The following UGT8 variants were observed in gnomAD, a reference collection of about 807,000 sequenced individuals.
The protein encoded by UGT8 is 2-hydroxyacylsphingosine 1-beta-galactosyltransferase.
Under a neutral mutation model 40.5 loss-of-function variants are expected in UGT8, and 12 were observed. The observed-to-expected ratio is 0.30, with a 90% CI of 0.19 to 0.48. UGT8 has a LOEUF of 0.48. Ranked by LOEUF, UGT8 falls within the 20% of genes least tolerant of loss-of-function variation. The pLI, the probability that UGT8 is intolerant of heterozygous loss-of-function variation, is 0.99. For missense variants in UGT8, 513 were observed against 648.7 expected (o/e 0.79, Z 2.27); for synonymous variants, 224 against 240.4 (o/e 0.93, Z 0.63).
rs1267777151 is a variant in UGT8 at position 114,623,473 on chromosome 4, G to GA, written c.593_594insA (p.Val199CysfsTer18). On this transcript the variant is annotated frameshift_variant, in exon 2 of 6. Coordinates refer to ENST00000310836, the MANE Select transcript of UGT8 (RefSeq NM_001128174.3). LOFTEE classifies it high-confidence loss of function. ...TTGCTGCAAAGGATGAAAAATACCGGTGTTTACCTCATTTCCAGATTAGGG... is the reference window on the plus strand; with the variant it reads ...TTGCTGCAAAGGATGAAAAATACCGGATGTTTACCTCATTTCCAGATTAGGG... The GA allele has an allele frequency of 6.2e-7, 1 of 1,614,034 alleles. No homozygotes were observed. Among genetic ancestry groups the GA allele is most frequent in the African/African-American group, 1.3e-5 (1 of 74,900 alleles).
At chr4:114,653,939 G>A (rs1734028147) in intron 2 of UGT8, among the ~76,000 whole-genome samples, 1 of 152,012 alleles carries the variant, frequency 6.6e-6, no homozygotes, top group Non-Finnish European at 1.5e-5. Context: ...ACCAGCAAAA[G>A]TTTGTTAACT....
chr4:114,611,661 A>G (rs996842300), intron 1 of UGT8, among the ~76,000 whole-genome samples: 1 of 150,356 alleles, frequency 6.7e-6, no homozygotes, highest in Non-Finnish European at 1.5e-5. Flanking sequence ...TACCTGTATA[A>G]TCATAGATAC....
chr4:114,665,465 G>A (rs1168479581), intron 3 of UGT8: 5 of 984,896 alleles, frequency 5.1e-6, no homozygotes, highest in Non-Finnish European at 6.0e-6. Context: ...CTCTATGTAA[G>A]CAAATTATTT....
At chr4:114,622,590 C>G (rs1432315396) in intron 1 of UGT8, 1 of 290,134 alleles carries the variant, frequency 3.4e-6, no homozygotes, top group Non-Finnish European at 6.6e-6. Flanking sequence ...CACATCCTCT[C>G]CGGCACCTGT....
chr4:114,674,654 T>C (rs926602893), intron 5 of UGT8, among the ~76,000 whole-genome samples: 2 of 152,242 alleles, frequency 1.3e-5, no homozygotes, highest in Non-Finnish European at 2.9e-5. Context: ...CTTCATACTT[T>C]TTCCAAATGA....
At chr4:114,652,877 G>T (rs1158363904) in intron 2 of UGT8, among the ~76,000 whole-genome samples, 2 of 151,992 alleles carry the variant, frequency 1.3e-5, no homozygotes, top group Non-Finnish European at 2.9e-5. Flanking sequence ...GTTTATGCAG[G>T]AAAAGAATAA....
chr4:114,632,049 C>T lies in UGT8; in HGVS notation c.822+8347C>T, dbSNP rs1046574721. Among the ~76,000 whole-genome samples the T allele has an allele frequency of 6.6e-5, 10 of 152,202 alleles. 1 individual carries two copies. The highest frequency in any genetic ancestry group is 4.6e-4 in the Admixed American group (7 of 15,278). Reference sequence around the variant, plus strand: ...TCAGTAATAGGTAAGGGCCTCAGAACTAATAACTTTCAACTCTTCTCCCTG... The same window carrying T: ...TCAGTAATAGGTAAGGGCCTCAGAATTAATAACTTTCAACTCTTCTCCCTG... On this transcript the variant is annotated intron_variant, in intron 2 of 5. Coordinates refer to ENST00000310836, the MANE Select transcript of UGT8 (RefSeq NM_001128174.3).
At chr4:114,613,001 A>G (rs1458484618) in intron 1 of UGT8, among the ~76,000 whole-genome samples, 1 of 152,036 alleles carries the variant, frequency 6.6e-6, no homozygotes, top group Non-Finnish European at 1.5e-5. Flanking sequence ...TTTTTTTCCC[A>G]GTAAGTTTTA....
chr4:114,638,278 G>A (rs997371895), intron 2 of UGT8, among the ~76,000 whole-genome samples: 16 of 152,246 alleles, frequency 1.1e-4, no homozygotes, highest in African/African-American at 3.6e-4. Flanking sequence ...ATTTAGAAGT[G>A]CTATGAAGGA....
At chr4:114,617,034 C>T (rs1222766796) in intron 1 of UGT8, among the ~76,000 whole-genome samples, 1 of 152,120 alleles carries the variant, frequency 6.6e-6, no homozygotes, top group Non-Finnish European at 1.5e-5. Context: ...AGGCAGATCA[C>T]ACGGTCAGGA....
rs35528720 is a variant in UGT8, at chr4:114,610,978, T to G, written c.-2-11901T>G. Among the ~76,000 whole-genome samples the G allele has an allele frequency of 8.9e-3, 1,354 of 152,294 alleles. 28 individuals carry two copies. The highest frequency in any genetic ancestry group is 0.031 in the African/African-American group (1,297 of 41,584). The stretch of plus-strand genomic sequence containing the variant: ...CTGTAGCCTTAAGAATCTCTACTAA[T>G]GTTGTATTGAAAAGCTGTTTCTCCT... On this transcript the variant is annotated intron_variant, in intron 1 of 5. Coordinates refer to ENST00000310836, the MANE Select transcript of UGT8 (RefSeq NM_001128174.3).
chr4:114,665,925 C>A (rs1322725978), intron 4 of UGT8, among the ~76,000 whole-genome samples, 169 bp downstream of exon 4: 2 of 151,248 alleles, frequency 1.3e-5, no homozygotes, highest in African/African-American at 4.9e-5. Context: ...AATTTGAGGC[C>A]AAAATTTTAA....
intron 2 of UGT8, among the ~76,000 whole-genome samples, chr4:114,640,547 A>T (rs1051062182): frequency 6.6e-6 from 1 of 152,098 alleles, no homozygotes; most frequent in Non-Finnish European, 1.5e-5. Flanking sequence ...AGGAGATCTC[A>T]CCAAAGGACC....
chr4:114,642,612 C>A (rs1315256113), intron 2 of UGT8, among the ~76,000 whole-genome samples: 4 of 152,140 alleles, frequency 2.6e-5, no homozygotes, highest in Admixed American at 2.6e-4. Flanking sequence ...GCTGAATAAA[C>A]TAGCCCTCAT....
chr4:114,603,919 A>G (rs943368766), intron 1 of UGT8, among the ~76,000 whole-genome samples: 1 of 152,184 alleles, frequency 6.6e-6, no homozygotes, highest in African/African-American at 2.4e-5. Flanking sequence ...ATTCACAGAG[A>G]GTGATTGAAA....
At chr4:114,629,358 C>G (rs79850203) in intron 2 of UGT8, among the ~76,000 whole-genome samples, 9,235 of 152,066 alleles carry the variant, frequency 0.061, 373 homozygotes, top group East Asian at 0.14. Context: ...TGTTGGATGG[C>G]TCTCTTAACT....
intron 2 of UGT8, among the ~76,000 whole-genome samples, chr4:114,627,255 CTTT>C (rs199675716): frequency 2.4e-5 from 3 of 126,786 alleles, no homozygotes; most frequent in Non-Finnish European, 3.4e-5. Context: ...TGAATAGATT[CTTT>C]TTTTTTTTTT....
Position 114,623,836 on chromosome 4 carries a change from C to T in UGT8, c.822+134C>T, listed in dbSNP as rs145691658. The T allele has an allele frequency of 2.1e-4, 254 of 1,226,250 alleles. 1 individual carries two copies. In the African/African-American group the frequency reaches 2.6e-3, roughly 13 times the overall value. 76.0% of individuals were successfully genotyped at this position (1,226,250 alleles called of 1,614,324 possible). ...CTAAAAGGTGATTAGGACATGGGGC[C>T]TCCAAAGTCCCTTTATGTGGGTCCA... is the stretch of plus-strand genomic sequence containing the variant. On this transcript the variant is annotated intron_variant, in intron 2 of 5. Transcript: ENST00000310836.
chr4:114,665,535 C>A, intron 3 of UGT8, 145 bp from the exon 4 acceptor site: 1 of 1,292,630 alleles, frequency 7.7e-7, no homozygotes, highest in Non-Finnish European at 1.0e-6. Flanking sequence ...CAAATATTTG[C>A]TGTTACCAAA....
Sources: gnomAD v4.1 joint callset for allele counts (sites outside exome capture counted in the v4.1 genomes callset) on GRCh38, gnomAD v4.1.1 for gene constraint, MANE v1.5 for transcripts, NCBI Gene and HGNC (gene_info 2026-07-23, HGNC 2026-07-21) for gene names.